The following PDE7B variants were observed in gnomAD, a reference collection of about 807,000 sequenced individuals.
The protein encoded by PDE7B is phosphodiesterase 7B.
In PDE7B, 29 loss-of-function variants were observed where a neutral mutation model predicts 56.2. The ratio of observed to expected loss-of-function variants is 0.52; its 90% CI spans 0.38 to 0.70. The LOEUF is 0.70. Among genes scored for constraint, PDE7B ranks in the 30% least tolerant of loss-of-function variants. The pLI is 0.00. For missense variants in PDE7B, 490 were observed against 565.0 expected (o/e 0.87, Z 1.35); for synonymous variants, 197 against 196.9 (o/e 1.00, Z 0.00).
At chr6:136,124,107 T>C (rs1777981920) in intron 3 of PDE7B, among the ~76,000 whole-genome samples, 1 of 152,108 alleles carries the variant, frequency 6.6e-6, no homozygotes, top group Non-Finnish European at 1.5e-5. Flanking sequence ...GTTAAGAAAA[T>C]GAATACTTAT....
intron 3 of PDE7B, among the ~76,000 whole-genome samples, chr6:136,127,012 C>A (rs370737507): frequency 6.6e-6 from 1 of 152,048 alleles, no homozygotes; most frequent in African/African-American, 2.4e-5. Flanking sequence ...TATATACATA[C>A]CTACTATGTA....
Position 135,927,781 on chromosome 6 carries a change from T to A in PDE7B, c.22-19683T>A, listed in dbSNP as rs1003711366. On this transcript the variant is annotated intron_variant, in intron 1 of 12. Transcript: ENST00000308191. ...AAGCAATGACAACAAAAGCAAAAATTGACAGGTGGGACCTAATTAAACTAA... is the reference window on the plus strand; with the variant it reads ...AAGCAATGACAACAAAAGCAAAAATAGACAGGTGGGACCTAATTAAACTAA... Among the ~76,000 whole-genome samples, 166 of 152,118 alleles carry A rather than the reference T, an allele frequency of 1.1e-3. 1 individual carries two copies. Among genetic ancestry groups the A allele is most frequent in the African/African-American group, 3.9e-3 (161 of 41,426 alleles).
chr6:136,116,705 C>T (rs531016116), intron 3 of PDE7B, among the ~76,000 whole-genome samples: 13 of 152,188 alleles, frequency 8.5e-5, no homozygotes, highest in South Asian at 4.2e-4. Context: ...TGGAAATGTC[C>T]GGAAGAAAGC....
chr6:135,928,191 G>A (rs1404384403), intron 1 of PDE7B, among the ~76,000 whole-genome samples: 1 of 151,658 alleles, frequency 6.6e-6, no homozygotes, highest in Non-Finnish European at 1.5e-5. Flanking sequence ...ACTGCTGGTG[G>A]GAATGTAAAT....
At chr6:136,106,214 T>A (rs1191452237) in intron 2 of PDE7B, among the ~76,000 whole-genome samples, 5 of 152,278 alleles carry the variant, frequency 3.3e-5, no homozygotes, top group South Asian at 2.1e-4. Context: ...TCATTTTTAC[T>A]GTATATGTCT....
At chr6:135,859,385 A>C (rs1775102061) in intron 1 of PDE7B, among the ~76,000 whole-genome samples, 1 of 152,074 alleles carries the variant, frequency 6.6e-6, no homozygotes, top group Non-Finnish European at 1.5e-5. Context: ...CTCATTTTCC[A>C]TATTTAGTAG....
In PDE7B at chr6:135,867,948, TTAAAG is replaced by T. The variant is rs200498320; in HGVS notation, c.21+15933_21+15937del. Reference sequence around the variant, plus strand: ...AGCAAACATTTACAGTGTTTCTTCTTTAAAGTAATGCAAAAAGGTAATCTAAGGAA... The same window carrying T: ...AGCAAACATTTACAGTGTTTCTTCTTTAATGCAAAAAGGTAATCTAAGGAA... On this transcript the variant is annotated intron_variant, in intron 1 of 12. Coordinates refer to ENST00000308191, the MANE Select transcript of PDE7B (RefSeq NM_018945.4). Among the ~76,000 whole-genome samples the T allele has an allele frequency of 3.3e-3, 504 of 152,002 alleles. 4 individuals are homozygous for T. Among genetic ancestry groups the T allele is most frequent in the African/African-American group, 0.011 (463 of 41,378 alleles).
chr6:135,974,926 C>G (rs1583805870), intron 2 of PDE7B, among the ~76,000 whole-genome samples: 1 of 152,112 alleles, frequency 6.6e-6, no homozygotes, highest in African/African-American at 2.4e-5. Context: ...CTCTCTGGAG[C>G]TTCTTCTGGA....
chr6:135,953,031 G>A (rs534372721), intron 2 of PDE7B, among the ~76,000 whole-genome samples: 18 of 152,198 alleles, frequency 1.2e-4, no homozygotes, highest in East Asian at 9.6e-4. Context: ...AACCCAATGC[G>A]TATCTGACGA....
intron 12 of PDE7B, 119 bp from the exon 13 acceptor site, chr6:136,191,495 C>A: frequency 1.2e-6 from 1 of 814,738 alleles, no homozygotes; most frequent in Non-Finnish European, 2.0e-6. Context: ...GGGGAAACCC[C>A]ATCTCTACTA....
rs978247757 is a variant in PDE7B, at chr6:136,048,085, TAGATAGAC to T, written c.83-60642_83-60635del. 1.1e-3 allele frequency among the ~76,000 whole-genome samples: 151 copies of T among 134,942 alleles called. 1 individual carries two copies. Among genetic ancestry groups the T allele is most frequent in the East Asian group, 4.4e-3 (20 of 4,548 alleles). 88.5% of individuals were successfully genotyped at this position (134,942 alleles called of 152,430 possible). A position where few individuals can be genotyped will look rare whatever the true frequency, so the allele number is the denominator to read the frequency against. On this transcript the variant is annotated intron_variant, in intron 2 of 12. Coordinates refer to ENST00000308191, the MANE Select transcript of PDE7B (RefSeq NM_018945.4). ...ATGGATGGATGGGTGGATGGATAGA[TAGATAGAC>T]AGACAGACAGACAGACAGATAGATA...
chr6:136,088,130 T>TAGTA (rs1258457998), intron 2 of PDE7B, among the ~76,000 whole-genome samples: 2 of 152,130 alleles, frequency 1.3e-5, no homozygotes, highest in African/African-American at 4.8e-5. Flanking sequence ...TCTTTAAACC[T>TAGTA]AGTAAGTAGA....
intron 2 of PDE7B, among the ~76,000 whole-genome samples, chr6:136,100,655 A>G (rs1044190944): frequency 1.3e-5 from 2 of 152,206 alleles, no homozygotes; most frequent in Non-Finnish European, 2.9e-5. Flanking sequence ...TTATCAGCTT[A>G]AGGAGATTTT....
At chr6:136,098,068 C>T (rs1447787272) in intron 2 of PDE7B, 1 of 149,296 alleles carries the variant, frequency 6.7e-6, no homozygotes, top group East Asian at 2.0e-4. Flanking sequence ...CTCACAGCAA[C>T]CTCCCTGGCA....
chr6:135,935,184 ATT>A lies in PDE7B; in HGVS notation c.22-12278_22-12277del, dbSNP rs1322496738. On this transcript the variant is annotated intron_variant, in intron 1 of 12. Transcript: ENST00000308191. ...GAGACAGAGAATTTTATATATATAT[ATT>A]TATTTATATATATATATATATATAT... is the stretch of plus-strand genomic sequence containing the variant. Among the ~76,000 whole-genome samples, 51 of 54,072 alleles carry A rather than the reference ATT, an allele frequency of 9.4e-4. 6 individuals carry two copies. Among genetic ancestry groups the A allele is most frequent in the African/African-American group, 4.7e-3 (47 of 10,040 alleles). 35.5% of individuals were successfully genotyped at this position (54,072 alleles called of 152,430 possible). A position where few individuals can be genotyped will look rare whatever the true frequency, so the allele number is the denominator to read the frequency against.
Position 136,108,773 on chromosome 6 carries a change from G to T in PDE7B, c.125G>T (p.Arg42Leu), listed in dbSNP as rs752175988. 1.2e-6 allele frequency: 2 copies of T among 1,611,650 alleles called. No individual in the cohort carries two copies. Among genetic ancestry groups the T allele is most frequent in the African/African-American group, 2.7e-5 (2 of 74,840 alleles). ...LRGQTGVRAE[R>L]RGSYPFIDFR... ...GGTCAGACGGGGGTTCGTGCTGAAC[G>T]CCGTGGCTCCTACCCATTCATTGAC... The change falls in exon 3 of 13, where the codon CGC becomes CTC. Residue 42 changes from arginine (R) to leucine (L), a missense_variant. Physicochemically the swap from Arg to Leu is moderately radical, Grantham distance 102 (BLOSUM62 -2). Coordinates refer to ENST00000308191, the MANE Select transcript of PDE7B (RefSeq NM_018945.4).
At chr6:136,120,036 C>T (rs998102067) in intron 3 of PDE7B, among the ~76,000 whole-genome samples, 2 of 152,122 alleles carry the variant, frequency 1.3e-5, no homozygotes, top group Middle Eastern at 3.2e-3. Flanking sequence ...TTCACAAGTG[C>T]ACATCTCATG....
intron 3 of PDE7B, among the ~76,000 whole-genome samples, chr6:136,143,262 A>G (rs1020731672): frequency 2.0e-5 from 3 of 151,984 alleles, no homozygotes; most frequent in African/African-American, 7.2e-5. Flanking sequence ...GCTCACACTT[A>G]TAATCCCAGT....
At chr6:136,144,741 A>G (rs1371079076) in intron 3 of PDE7B, among the ~76,000 whole-genome samples, 1 of 152,168 alleles carries the variant, frequency 6.6e-6, no homozygotes, top group Non-Finnish European at 1.5e-5. Context: ...AAGAGAGCAC[A>G]GGCTGATTGT....
Sources: gnomAD v4.1 joint callset for allele counts (sites outside exome capture counted in the v4.1 genomes callset) on GRCh38, gnomAD v4.1.1 for gene constraint, MANE v1.5 for transcripts, NCBI Gene and HGNC (gene_info 2026-07-23, HGNC 2026-07-21) for gene names.